Variants in MTM1 observed in about 807,000 individuals in gnomAD.
MTM1 encodes the protein myotubularin 1.
In MTM1, 9 loss-of-function variants were observed where a neutral mutation model predicts 52.1. That is an observed-to-expected ratio of 0.17 (90% CI 0.10 to 0.30). The LOEUF is 0.30. Among genes scored for constraint, MTM1 ranks in the 10% least tolerant of loss-of-function variants. The pLI is 1.00. For synonymous variants in MTM1, 136 were observed against 163.8 expected (o/e 0.83, Z 1.29); for missense variants, 277 against 470.7 (o/e 0.59, Z 3.81).
chrX:150,654,356 G>A (rs1479691609), intron 10 of MTM1, among the ~76,000 whole-genome samples: 1 of 110,565 alleles, frequency 9.0e-6, no homozygotes, highest in African/African-American at 3.3e-5. Flanking sequence ...TTGGACTCAA[G>A]TGATCTAGTA....
chrX:150,671,357 A>T (rs1471850872), intron 14 of MTM1, 71 bp from the exon 15 acceptor site: 7 of 1,128,768 alleles, frequency 6.2e-6, no homozygotes, highest in Non-Finnish European at 8.5e-6. Flanking sequence ...GTCACAGCAG[A>T]TGGGTGGAAC....
chrX:150,563,723 T>C (rs1354460087), upstream of MTM1, among the ~76,000 whole-genome samples: 2 of 108,602 alleles, frequency 1.8e-5, no homozygotes, highest in Non-Finnish European at 3.8e-5. Flanking sequence ...CCGTCTCTAC[T>C]AAAAATACAA....
At chrX:150,606,137 C>T (rs1313020682) in intron 4 of MTM1, among the ~76,000 whole-genome samples, 4 of 111,080 alleles carry the variant, frequency 3.6e-5, no homozygotes, top group Admixed American at 1.9e-4. Context: ...ATAAAACACC[C>T]TAGTCTGTCC....
intron 6 of MTM1, among the ~76,000 whole-genome samples, chrX:150,638,264 G>T (rs1174578365): frequency 9.0e-6 from 1 of 111,700 alleles, no homozygotes; most frequent in South Asian, 3.8e-4. Context: ...TGGGGTGGTA[G>T]AGTGGACACT....
intron 5 of MTM1, among the ~76,000 whole-genome samples, chrX:150,615,090 TA>T (rs2039359113): frequency 8.9e-6 from 1 of 111,980 alleles, no homozygotes; most frequent in African/African-American, 3.2e-5. Context: ...GATGTGTCCT[TA>T]CCTCTAATAA....
At chrX:150,639,517 A>G (rs782490356) in intron 7 of MTM1, among the ~76,000 whole-genome samples, 7 of 112,494 alleles carry the variant, frequency 6.2e-5, no homozygotes, top group African/African-American at 2.3e-4. Context: ...ATAAGTGTAC[A>G]TTATAATTGT....
intron 5 of MTM1, among the ~76,000 whole-genome samples, chrX:150,617,265 C>T (rs1480651290): frequency 8.9e-6 from 1 of 112,110 alleles, no homozygotes; most frequent in African/African-American, 3.2e-5. Context: ...GTGAAGAGAA[C>T]GATGTTACAG....
intron 13 of MTM1, 21 bp from the exon 14 acceptor site, chrX:150,663,412 T>G: frequency 8.3e-7 from 1 of 1,208,322 alleles, no homozygotes; most frequent in Non-Finnish European, 1.1e-6. Context: ...CTCTCCACTT[T>G]CTCTCTCTGT....
chrX:150,654,199 G>A (rs782470195), intron 10 of MTM1, among the ~76,000 whole-genome samples: 1 of 112,077 alleles, frequency 8.9e-6, no homozygotes, highest in Non-Finnish European at 1.9e-5. Context: ...AGAAGTGATC[G>A]TGGGAATTAA....
At chrX:150,578,381 C>T (rs782812409) in intron 1 of MTM1, among the ~76,000 whole-genome samples, 1 of 112,000 alleles carries the variant, frequency 8.9e-6, no homozygotes, top group African/African-American at 3.2e-5. Context: ...GCAGCCTGGC[C>T]ATTACCTTGA....
chrX:150,666,716 A>G (rs1460494972), intron 14 of MTM1, among the ~76,000 whole-genome samples: 1 of 111,798 alleles, frequency 8.9e-6, no homozygotes, highest in Non-Finnish European at 1.9e-5. Context: ...TGGGACTGGA[A>G]ATGAAAGTTA....
At chrX:150,568,509 C>T (rs182709862), upstream of MTM1, 2,507 of 113,738 alleles carry the variant, frequency 0.022, 29 homozygotes, top group Non-Finnish European at 0.034. Flanking sequence ...CCCCCTGCCC[C>T]GTCACGTGAT....
chrX:150,624,706 T>G (rs2039537787), intron 6 of MTM1, among the ~76,000 whole-genome samples: 1 of 111,889 alleles, frequency 8.9e-6, no homozygotes, highest in African/African-American at 3.3e-5. Flanking sequence ...TGGATAAGTG[T>G]GGCTACGTGA....
chrX:150,622,825 G>T (rs2148466428), intron 6 of MTM1, among the ~76,000 whole-genome samples: 1 of 111,416 alleles, frequency 9.0e-6, no homozygotes, highest in Non-Finnish European at 1.9e-5. Context: ...GAAAGGGGAA[G>T]GGGGAGGAAC....
chrX:150,662,620 G>A lies in MTM1; in HGVS notation c.1468-813G>A, dbSNP rs1313687551. Among the ~76,000 whole-genome samples the A allele has an allele frequency of 5.8e-4, 65 of 111,893 alleles. 3 individuals carry two copies. The highest frequency in any genetic ancestry group is 1.9e-4 in the Admixed American group (2 of 10,594). ...ATTACAGGCGTGAGCCACCACACCC[G>A]GCCACGAAATTTCTTTAGTCACTTA... On this transcript the variant is annotated intron_variant, in intron 13 of 14. Transcript: ENST00000370396.
At chrX:150,668,934 G>A (rs781974727) in intron 14 of MTM1, among the ~76,000 whole-genome samples, 1 of 109,936 alleles carries the variant, frequency 9.1e-6, no homozygotes, top group African/African-American at 3.3e-5. Flanking sequence ...AGGGTGGGGG[G>A]ATACATGTGC....
intron 9 of MTM1, among the ~76,000 whole-genome samples, chrX:150,648,641 C>G (rs1172796238): frequency 9.7e-5 from 11 of 112,957 alleles, no homozygotes; most frequent in Admixed American, 4.7e-4. Flanking sequence ...CAGCCAGATT[C>G]CTAAATGAAA....
chrX:150,671,780 C>A lies in MTM1; in HGVS notation c.*185C>A. The A allele has an allele frequency of 2.0e-6, 1 of 500,436 alleles. No individual in the cohort carries two copies. The highest frequency in any genetic ancestry group is 3.2e-6 in the Non-Finnish European group (1 of 308,317). 41.2% of individuals were successfully genotyped at this position (500,436 alleles called of 1,213,427 possible). ...CAAGAAAACTACAGGGTCCACACGG[C>A]AATCAGAAGAAAGGAGCTGAGATGA... On this transcript the variant is annotated 3_prime_UTR_variant, in exon 15 of 15. Transcript: ENST00000370396.
chrX:150,565,808 G>A (rs980278189), upstream of MTM1, among the ~76,000 whole-genome samples: 2 of 111,785 alleles, frequency 1.8e-5, no homozygotes, highest in East Asian at 2.8e-4. Context: ...GGGGAGAGGG[G>A]CGGAAACAGG....
Sources: allele counts gnomAD v4.1 joint callset (sites outside exome capture counted in the v4.1 genomes callset), GRCh38; gene constraint gnomAD v4.1.1; transcripts MANE v1.5; gene names NCBI Gene and HGNC (gene_info 2026-07-23, HGNC 2026-07-21).